Variants in HINT1 observed in about 807,000 individuals in gnomAD.
HINT1 encodes histidine triad nucleotide binding protein 1, also known as adenosine 5'-monophosphoramidase HINT1.
Under a neutral mutation model 11.2 loss-of-function variants are expected in HINT1, and 12 were observed. The observed-to-expected ratio is 1.07, with a 90% CI of 0.69 to 1.74. HINT1 has a LOEUF of 1.74. Among genes scored for constraint, HINT1 ranks in the 40% most tolerant of loss-of-function variants. The pLI is 0.00. For missense variants in HINT1, 150 were observed against 161.8 expected (o/e 0.93, Z 0.40); for synonymous variants, 42 against 52.6 (o/e 0.80, Z 0.87).
rs140509938 is a variant in HINT1 at position 131,159,126 on chromosome 5, G to A, written c.*321C>T. On this transcript the variant is annotated 3_prime_UTR_variant, in exon 3 of 3. Coordinates refer to ENST00000304043, the MANE Select transcript of HINT1 (RefSeq NM_005340.7). The stretch of plus-strand genomic sequence containing the variant: ...CTAAATTTATAAACTCTCATTATTT[G>A]TCTTCAAAGACTAGTAACACCATTA... 1.7e-3 allele frequency: 314 copies of A among 184,440 alleles called. No individual in the cohort carries two copies. The highest frequency in any genetic ancestry group is 7.0e-3 in the African/African-American group (299 of 42,916). The allele number at this position is 184,440 out of a possible 1,614,324, so 11.4% of individuals were successfully genotyped here.
At chr5:131,164,957 G>A (rs2149654695) in intron 1 of HINT1, 138 bp downstream of exon 1, 2 of 1,280,502 alleles carry the variant, frequency 1.6e-6, no homozygotes, top group Admixed American at 2.2e-5. Context: ...GCTGGCTGGG[G>A]GCCCGCTGGA....
chr5:131,159,722 AC>A (rs1466677762), intron 2 of HINT1, 111 bp from the exon 3 acceptor site: 2 of 961,632 alleles, frequency 2.1e-6, no homozygotes, highest in Non-Finnish European at 3.1e-6. Context: ...TTGAAACACA[AC>A]CCTTTGAGCA....
Position 131,165,097 on chromosome 5 carries a change from G to C in HINT1, c.109C>G (p.Arg37Gly). Residue 37 changes from arginine (R) to glycine (G), a missense_variant and splice_region_variant, in exon 1 of 3, where the codon CGG becomes GGG. By Grantham distance (125) the Arg-to-Gly change is moderately radical. Transcript: ENST00000304043. ...GAGAGGTGGTGCCCAGTACCTACCC[G>C]GTCATCCTCAAAAATGATTTTGGCT... ...IPAKIIFEDD[R>G]CLAFHDISPQ... 1 of 1,613,680 alleles carries C rather than the reference G, an allele frequency of 6.2e-7. No homozygotes were observed. The highest frequency in any genetic ancestry group is 8.5e-7 in the Non-Finnish European group (1 of 1,179,870).
At chr5:131,162,343 C>T (rs1334339152) in intron 2 of HINT1, 3 of 795,650 alleles carry the variant, frequency 3.8e-6, no homozygotes, top group Admixed American at 4.8e-5. Context: ...AAGGTAATAG[C>T]AAGTGTTGAT....
At chr5:131,163,748 ATTAT>A (rs1755316113) in intron 1 of HINT1, among the ~76,000 whole-genome samples, 1 of 152,214 alleles carries the variant, frequency 6.6e-6, no homozygotes, top group East Asian at 1.9e-4. Flanking sequence ...ATTTAGACTA[ATTAT>A]TTAAAACAGT....
rs1755366892 is a variant in HINT1, at chr5:131,165,152, G to C, written c.54C>G (p.Ile18Met). The C allele has an allele frequency of 1.9e-6, 3 of 1,612,250 alleles. No individual in the cohort carries two copies. Among genetic ancestry groups the C allele is most frequent in the Admixed American group, 3.3e-5 (2 of 60,010 alleles). ...TTTCCTTGCGGATGATCTTCCCAAA[G>C]ATCGTGTCGCCACCAGGCCGAGCGA... Reference protein sequence around the residue: ...AQVARPGGDTIFGKIIRKEIP... With the variant: ...AQVARPGGDTMFGKIIRKEIP... Residue 18 changes from isoleucine to methionine, a missense_variant, in exon 1 of 3, where the codon ATC (isoleucine) becomes ATG (methionine). Ile to Met is a conservative substitution (Grantham distance 10). Transcript: ENST00000304043.
intron 1 of HINT1, 141 bp downstream of exon 1, chr5:131,164,954 G>A (rs1363243997): frequency 2.4e-6 from 3 of 1,244,630 alleles, no homozygotes; most frequent in African/African-American, 1.5e-5. Context: ...TCCGCTGGCT[G>A]GGGGCCCGCT....
At chr5:131,162,893 AATGGCATG>A (rs1315273193) in intron 1 of HINT1, among the ~76,000 whole-genome samples, 2 of 151,882 alleles carry the variant, frequency 1.3e-5, no homozygotes, top group African/African-American at 4.8e-5. Flanking sequence ...GCTGTAGTGC[AATGGCATG>A]ATCTCAGCTC....
At position 131,159,318 on chromosome 5, in the gene HINT1, G is replaced by A. The variant is rs1755189821; in HGVS notation, c.*129C>T. On this transcript the variant is annotated 3_prime_UTR_variant, in exon 3 of 3. Coordinates refer to ENST00000304043, the MANE Select transcript of HINT1 (RefSeq NM_005340.7). ...GCCATGCAACAATGTCTTTTATTAT[G>A]TATGCGGTTTTAAAATTATTTCTTG... is the stretch of plus-strand genomic sequence containing the variant. The A allele has an allele frequency of 3.0e-6, 2 of 667,108 alleles. No homozygotes were observed. The highest frequency in any genetic ancestry group is 1.8e-5 in the African/African-American group (1 of 55,272). The allele number at this position is 667,108 out of a possible 1,614,324, so 41.3% of individuals were successfully genotyped here.
chr5:131,162,552 C>A lies in HINT1; in HGVS notation c.216+20G>T, dbSNP rs1353255224. The stretch of plus-strand genomic sequence containing the variant: ...CAATTTAAAAAGCAAGAAAATAAAT[C>A]ATGTTAGAAATGTACTTACACTTTC... On this transcript the variant is annotated intron_variant, in intron 2 of 2. Coordinates refer to ENST00000304043, the MANE Select transcript of HINT1 (RefSeq NM_005340.7). The A allele has an allele frequency of 6.2e-7, 1 of 1,606,176 alleles. No individual in the cohort carries two copies.
At chr5:131,163,187 G>T (rs1379790166) in intron 1 of HINT1, among the ~76,000 whole-genome samples, 5 of 152,180 alleles carry the variant, frequency 3.3e-5, no homozygotes, top group Admixed American at 3.3e-4. Flanking sequence ...ATCACCAAAG[G>T]TCATACATGT....
intron 1 of HINT1, 138 bp from the exon 2 acceptor site, chr5:131,162,814 G>A (rs991179908): frequency 1.3e-5 from 8 of 607,766 alleles, no homozygotes; most frequent in South Asian, 4.2e-5. Context: ...TACACATTAC[G>A]AATGGTGCCG....
chr5:131,159,186 G>C lies in HINT1; in HGVS notation c.*261C>G, dbSNP rs1453390381. 1 of 327,402 alleles carries C rather than the reference G, an allele frequency of 3.1e-6. No individual in the cohort carries two copies. Among genetic ancestry groups the C allele is most frequent in the Non-Finnish European group, 5.7e-6 (1 of 176,856 alleles). The allele number at this position is 327,402 out of a possible 1,614,324, so 20.3% of individuals were successfully genotyped here. A position where few individuals can be genotyped will look rare whatever the true frequency, so the allele number is the denominator to read the frequency against. The stretch of plus-strand genomic sequence containing the variant: ...GATGTTCATATGTTGAGTCCTCCTT[G>C]GGAAGAAAAAGCAAGAAACATCCAA... On this transcript the variant is annotated 3_prime_UTR_variant, in exon 3 of 3. Transcript: ENST00000304043.
chr5:131,164,874 C>G (rs1292195162), intron 1 of HINT1, among the ~76,000 whole-genome samples: 2 of 151,740 alleles, frequency 1.3e-5, no homozygotes, highest in Non-Finnish European at 2.9e-5. Context: ...TGGCCCGCGC[C>G]CGGGGCAGAT....
intron 1 of HINT1, among the ~76,000 whole-genome samples, chr5:131,164,192 T>A (rs1448417907): frequency 2.0e-5 from 3 of 152,214 alleles, no homozygotes; most frequent in African/African-American, 4.8e-5. Flanking sequence ...TTGTTCTATC[T>A]AAATCAGCCA....
At chr5:131,162,757 G>T in intron 1 of HINT1, 81 bp from the exon 2 acceptor site, 3 of 858,964 alleles carry the variant, frequency 3.5e-6, no homozygotes, top group South Asian at 1.6e-5. Flanking sequence ...AGTATTTACT[G>T]AGCAGTAACT....
intron 2 of HINT1, 135 bp from the exon 3 acceptor site, chr5:131,159,746 C>T (rs989206189): frequency 1.4e-6 from 1 of 735,790 alleles, no homozygotes; most frequent in Non-Finnish European, 2.2e-6. Flanking sequence ...TATTTGGAAA[C>T]TCTTAATCCC....
In HINT1 at chr5:131,160,117, T is replaced by G. The variant is rs191030660; in HGVS notation, c.217-506A>C. ...AATCTGCCCACCTTAACTTCCAAAG[T>G]GCTGGGATTACAGGCACAAGGCACT... On this transcript the variant is annotated intron_variant, in intron 2 of 2. Transcript: ENST00000304043. Among the ~76,000 whole-genome samples the G allele has an allele frequency of 2.0e-5, 3 of 152,240 alleles. 1 individual carries two copies. The East Asian group carries it at 5.8e-4, about 29-fold the overall frequency.
chr5:131,160,981 G>A (rs916523960), intron 2 of HINT1: 3 of 333,456 alleles, frequency 9.0e-6, no homozygotes, highest in African/African-American at 6.5e-5. Flanking sequence ...ATTTTCAACA[G>A]ACATACAATA....
Sources: allele counts gnomAD v4.1 joint callset (sites outside exome capture counted in the v4.1 genomes callset), GRCh38; gene constraint gnomAD v4.1.1; transcripts MANE v1.5; gene names NCBI Gene and HGNC (gene_info 2026-07-23, HGNC 2026-07-21).